Variants in ZNF563 observed in about 807,000 individuals in gnomAD.
ZNF563 encodes zinc finger protein 563.
ZNF563 carries 39 observed loss-of-function variants against 48.5 expected under a neutral mutation model. The observed-to-expected ratio is 0.80, with a 90% CI of 0.62 to 1.05. ZNF563 has a LOEUF of 1.05. Among genes scored for constraint, ZNF563 ranks in the 50% least tolerant of loss-of-function variants. The pLI is 0.00. For missense variants in ZNF563, 538 were observed against 597.0 expected (o/e 0.90, Z 1.03); for synonymous variants, 168 against 187.9 (o/e 0.89, Z 0.87).
the ZNF563 span, among the ~76,000 whole-genome samples, chr19:12,344,365 A>G: frequency 1.4e-5 from 2 of 138,406 alleles, no homozygotes; most frequent in Admixed American, 1.4e-4. Context: ...ATTGTCTCAA[A>G]AAAAAAAAAA....
intron 3 of ZNF563, among the ~76,000 whole-genome samples, chr19:12,320,164 C>G (rs957365930): frequency 5.3e-5 from 8 of 152,104 alleles, no homozygotes; most frequent in Admixed American, 2.0e-4. Context: ...GATCCACCCC[C>G]CCTTGGCCTC....
At chr19:12,330,737 A>G (rs922180026) in intron 1 of ZNF563, among the ~76,000 whole-genome samples, 3 of 152,204 alleles carry the variant, frequency 2.0e-5, no homozygotes, top group African/African-American at 7.2e-5. Flanking sequence ...ACCTCCATAT[A>G]CAATAATCAA....
intron 2 of ZNF563, 45 bp downstream of exon 2, chr19:12,322,540 C>T (rs2145804483): frequency 6.5e-7 from 1 of 1,548,210 alleles, no homozygotes; most frequent in Non-Finnish European, 8.7e-7. Context: ...GACCATGAAA[C>T]AAATGTCTGT....
intron 2 of ZNF563, among the ~76,000 whole-genome samples, chr19:12,322,299 C>T (rs1273652232): frequency 6.6e-6 from 1 of 152,134 alleles, no homozygotes; most frequent in Non-Finnish European, 1.5e-5. Context: ...CATGATCCGC[C>T]CACCTTGGCC....
rs199930053 is a variant in ZNF563, at chr19:12,319,706, C to T, written c.319G>A (p.Glu107Lys). ...TGACCCATTATGACTTCTTCACACT[C>T]AGCGCTTTGACATGGATCTTCTCCA... ...CPGEDPCQSA[E>K]CEEVIMGHLS... Residue 107 changes from glutamate to lysine, a missense_variant, in exon 4 of 4, where the codon GAG becomes AAG. Coordinates refer to ENST00000293725, the MANE Select transcript of ZNF563 (RefSeq NM_145276.3). 1.4e-5 allele frequency: 23 copies of T among 1,614,156 alleles called. No individual in the cohort carries two copies. In the East Asian group the frequency reaches 1.8e-4, roughly 13 times the overall value.
At chr19:12,341,975 A>C in the ZNF563 span, among the ~76,000 whole-genome samples, 241 of 152,282 alleles carry the variant, frequency 1.6e-3, no homozygotes, top group Non-Finnish European at 2.5e-3. Context: ...TAAAACACAA[A>C]AGGTCTTCAT....
upstream of ZNF563, among the ~76,000 whole-genome samples, chr19:12,334,236 A>G (rs769333103): frequency 3.3e-5 from 5 of 152,244 alleles, no homozygotes; most frequent in Non-Finnish European, 7.3e-5. Flanking sequence ...TGTGTGGAAG[A>G]ACTGAAATCA....
At chr19:12,339,269 A>AT in the ZNF563 span, among the ~76,000 whole-genome samples, 1 of 111,482 alleles carries the variant, frequency 9.0e-6, no homozygotes, top group South Asian at 3.0e-4. Context: ...CATCCAGTTG[A>AT]TTTCTTTTTT....
chr19:12,326,130 T>C (rs1197503017), intron 1 of ZNF563, among the ~76,000 whole-genome samples: 2 of 152,112 alleles, frequency 1.3e-5, no homozygotes, highest in Non-Finnish European at 2.9e-5. Flanking sequence ...ACCTCAAACA[T>C]TGGACTTCTT....
the ZNF563 span, among the ~76,000 whole-genome samples, chr19:12,343,980 C>T: frequency 1.0e-3 from 157 of 152,104 alleles, 3 homozygotes; most frequent in African/African-American, 3.5e-3. Context: ...CCGCCCGCCT[C>T]GGCCTCCCAA....
At chr19:12,325,904 G>A (rs529338460) in intron 1 of ZNF563, among the ~76,000 whole-genome samples, 17 of 152,214 alleles carry the variant, frequency 1.1e-4, no homozygotes, top group Non-Finnish European at 2.4e-4. Flanking sequence ...ATAGGGAATA[G>A]AGTCTCTGCA....
the ZNF563 span, among the ~76,000 whole-genome samples, chr19:12,340,446 G>T: frequency 3.0e-4 from 46 of 152,218 alleles, no homozygotes; most frequent in Non-Finnish European, 5.3e-4. Context: ...GATCAGCCTG[G>T]GCAATATAGT....
At position 12,320,317 on chromosome 19, in the gene ZNF563, GT is replaced by G. The variant is rs942481068; in HGVS notation, c.192-485del. Among the ~76,000 whole-genome samples, 465 of 143,968 alleles carry G rather than the reference GT, an allele frequency of 3.2e-3. 3 individuals are homozygous for G. Among genetic ancestry groups the G allele is most frequent in the African/African-American group, 8.7e-3 (344 of 39,434 alleles). 94.4% of individuals were successfully genotyped at this position (143,968 alleles called of 152,430 possible). A position where few individuals can be genotyped will look rare whatever the true frequency, so the allele number is the denominator to read the frequency against. Reference sequence around the variant, plus strand: ...TGCAAGACAACCCAACACCAGCTGGGTTTTTTTTTTTTCCTTTTCTTTTTAA... The same window carrying G: ...TGCAAGACAACCCAACACCAGCTGGGTTTTTTTTTTTCCTTTTCTTTTTAA... On this transcript the variant is annotated intron_variant, in intron 3 of 3. Coordinates refer to ENST00000293725, the MANE Select transcript of ZNF563 (RefSeq NM_145276.3).
Position 12,318,831 on chromosome 19 carries a change from A to G in ZNF563, c.1194T>C (p.Cys398=), listed in dbSNP as rs761918576. The G allele has an allele frequency of 1.2e-6, 2 of 1,614,138 alleles. No homozygotes were observed. The highest frequency in any genetic ancestry group is 1.7e-6 in the Non-Finnish European group (2 of 1,180,016). The change falls in exon 4 of 4, where the codon TGT becomes TGC. Residue 398 remains cysteine (C), a synonymous_variant. Transcript: ENST00000293725. ...CACTAGGATAAACAAAAGCTTTCCC[A>G]CATATCTTGCATTTATGAGGTCCAC... ...TGGGPHKCKI[C]GKAFVYPSVC...
chr19:12,340,184 AT>A, the ZNF563 span, among the ~76,000 whole-genome samples: 1 of 152,152 alleles, frequency 6.6e-6, no homozygotes, highest in South Asian at 2.1e-4. Context: ...AAATACAAAA[AT>A]TAGCCAGGAA....
upstream of ZNF563, among the ~76,000 whole-genome samples, chr19:12,335,841 T>C (rs1969014712): frequency 6.6e-6 from 1 of 152,252 alleles, no homozygotes; most frequent in Non-Finnish European, 1.5e-5. Context: ...GCCTAAGCAT[T>C]AAAATGAACA....
intron 1 of ZNF563, among the ~76,000 whole-genome samples, chr19:12,332,353 T>TC (rs1203495359): frequency 5.5e-5 from 8 of 145,286 alleles, no homozygotes; most frequent in African/African-American, 1.6e-4. Context: ...TTTTCTTTTT[T>TC]TTTTTTTTTT....
At chr19:12,339,092 G>A in the ZNF563 span, among the ~76,000 whole-genome samples, 3 of 152,040 alleles carry the variant, frequency 2.0e-5, no homozygotes, top group Admixed American at 6.6e-5. Flanking sequence ...GTGCTGCCAT[G>A]ATGGGGCTCC....
At chr19:12,321,361 A>T in intron 2 of ZNF563, 29 bp from the exon 3 acceptor site, 1 of 1,429,096 alleles carries the variant, frequency 7.0e-7, no homozygotes, top group Non-Finnish European at 9.4e-7. Flanking sequence ...AAATCACTAT[A>T]CATTATTAGA....
Sources: allele counts gnomAD v4.1 joint callset (sites outside exome capture counted in the v4.1 genomes callset), GRCh38; gene constraint gnomAD v4.1.1; transcripts MANE v1.5; gene names NCBI Gene and HGNC (gene_info 2026-07-23, HGNC 2026-07-21).